Variants in PLCB1 observed in about 807,000 individuals in gnomAD.
PLCB1 encodes the protein 1-phosphatidylinositol 4,5-bisphosphate phosphodiesterase beta-1.
A neutral mutation model predicts 161.8 loss-of-function variants in PLCB1; 46 were observed. The observed-to-expected ratio is 0.28, with a 90% CI of 0.22 to 0.36. PLCB1 has a LOEUF of 0.36. Ranked by LOEUF, PLCB1 falls within the 10% of genes least tolerant of loss-of-function variation. The pLI is 1.00. For missense variants in PLCB1, 1,016 were observed against 1,472.5 expected (o/e 0.69, Z 5.07); for synonymous variants, 517 against 503.7 (o/e 1.03, Z -0.35).
At chr20:8,527,734 C>T (rs531082287) in intron 3 of PLCB1, among the ~76,000 whole-genome samples, 10 of 152,074 alleles carry the variant, frequency 6.6e-5, no homozygotes, top group Admixed American at 5.2e-4. Flanking sequence ...ATTCATCAAG[C>T]TGTAAACTTA....
intron 27 of PLCB1, among the ~76,000 whole-genome samples, chr20:8,779,431 T>C (rs180971972): frequency 2.6e-4 from 38 of 148,672 alleles, no homozygotes; most frequent in Admixed American, 6.9e-4. Flanking sequence ...ACCTAGAGGA[T>C]ATTTTTGATG....
In PLCB1 at chr20:8,548,478, A is replaced by G. The variant is rs569542444; in HGVS notation, c.247-79816A>G. Among the ~76,000 whole-genome samples, 7 of 109,872 alleles carry G rather than the reference A, an allele frequency of 6.4e-5. No homozygotes were observed. The South Asian group carries it at 1.6e-3, about 25-fold the overall frequency. The allele number at this position is 109,872 out of a possible 152,430, so 72.1% of individuals were successfully genotyped here. On this transcript the variant is annotated intron_variant, in intron 3 of 31. Transcript: ENST00000338037. ...AATTTGTTCTTTCTTTCCATCATCT[A>G]TCTTTCTATCCTTCCTTCCTTTCTT...
At chr20:8,229,570 C>T (rs1979895269) in intron 2 of PLCB1, among the ~76,000 whole-genome samples, 1 of 152,138 alleles carries the variant, frequency 6.6e-6, no homozygotes, top group South Asian at 2.1e-4. Context: ...TATTCAGTAG[C>T]CATGTATGGC....
chr20:8,751,943 G>T (rs1981500816), intron 23 of PLCB1: 1 of 152,076 alleles, frequency 6.6e-6, no homozygotes, highest in African/African-American at 2.4e-5. Context: ...AAGGAATTTG[G>T]TTTTTGCACT....
At chr20:8,264,107 C>G (rs1981837589) in intron 2 of PLCB1, among the ~76,000 whole-genome samples, 1 of 152,150 alleles carries the variant, frequency 6.6e-6, no homozygotes, top group African/African-American at 2.4e-5. Flanking sequence ...TATTTCTTTA[C>G]AGACTTATTC....
intron 3 of PLCB1, among the ~76,000 whole-genome samples, chr20:8,384,123 C>A (rs150395388): frequency 6.6e-6 from 1 of 152,210 alleles, no homozygotes; most frequent in East Asian, 1.9e-4. Flanking sequence ...TGTTTTCCAG[C>A]TTCTTTTCAT....
chr20:8,418,882 C>A (rs1979415736), intron 3 of PLCB1, among the ~76,000 whole-genome samples: 1 of 152,136 alleles, frequency 6.6e-6, no homozygotes, highest in African/African-American at 2.4e-5. Flanking sequence ...GCTTCTGATA[C>A]CCCATTTCAT....
At chr20:8,218,557 T>G (rs1163162823) in intron 2 of PLCB1, among the ~76,000 whole-genome samples, 2 of 152,066 alleles carry the variant, frequency 1.3e-5, no homozygotes, top group African/African-American at 4.8e-5. Flanking sequence ...TAATACCTAC[T>G]TCACAGAGCT....
At chr20:8,632,487 A>G (rs1988631081) in intron 4 of PLCB1, among the ~76,000 whole-genome samples, 1 of 152,154 alleles carries the variant, frequency 6.6e-6, no homozygotes, top group East Asian at 1.9e-4. Flanking sequence ...AGTGTGGGAG[A>G]CACAATAAGT....
At chr20:8,305,978 C>T (rs1305312476) in intron 2 of PLCB1, 1 of 152,152 alleles carries the variant, frequency 6.6e-6, no homozygotes, top group Non-Finnish European at 1.5e-5. Context: ...TTGGGAGCAG[C>T]AGCAGATGGT....
At chr20:8,736,421 A>G (rs926050666) in intron 19 of PLCB1, among the ~76,000 whole-genome samples, 2 of 152,228 alleles carry the variant, frequency 1.3e-5, no homozygotes, top group African/African-American at 4.8e-5. Context: ...TAAAGTGAAT[A>G]CTTGTTCATT....
intron 3 of PLCB1, among the ~76,000 whole-genome samples, chr20:8,513,613 CTA>C (rs1437677488): frequency 1.3e-5 from 2 of 152,174 alleles, no homozygotes; most frequent in African/African-American, 4.8e-5. Flanking sequence ...CTGCCAGTTG[CTA>C]TGAGATATCA....
At chr20:8,177,021 G>C (rs966230772) in intron 2 of PLCB1, among the ~76,000 whole-genome samples, 1 of 152,002 alleles carries the variant, frequency 6.6e-6, no homozygotes, top group African/African-American at 2.4e-5. Context: ...AATATCTCAT[G>C]GTATGTCAAT....
chr20:8,752,741 C>T (rs1045166540), intron 23 of PLCB1, among the ~76,000 whole-genome samples: 7 of 145,782 alleles, frequency 4.8e-5, no homozygotes, highest in Non-Finnish European at 7.5e-5. Flanking sequence ...TGCAATGAGC[C>T]AAAATTGCAC....
intron 2 of PLCB1, among the ~76,000 whole-genome samples, chr20:8,354,729 C>G (rs1986305045): frequency 6.6e-6 from 1 of 152,086 alleles, no homozygotes; most frequent in Non-Finnish European, 1.5e-5. Flanking sequence ...AGGCATTGAA[C>G]TCTGTTTATT....
At chr20:8,228,757 A>G (rs1979843212) in intron 2 of PLCB1, among the ~76,000 whole-genome samples, 1 of 151,872 alleles carries the variant, frequency 6.6e-6, no homozygotes, top group African/African-American at 2.4e-5. Context: ...CTTGTTTTTC[A>G]GTTTTTAATT....
At chr20:8,203,665 T>C (rs1374780226) in intron 2 of PLCB1, among the ~76,000 whole-genome samples, 1 of 151,986 alleles carries the variant, frequency 6.6e-6, no homozygotes, top group African/African-American at 2.4e-5. Context: ...TAATGCATGA[T>C]GGGAGGGATC....
intron 3 of PLCB1, among the ~76,000 whole-genome samples, chr20:8,372,840 A>G (rs1439044590): frequency 6.6e-6 from 1 of 152,192 alleles, no homozygotes; most frequent in African/African-American, 2.4e-5. Context: ...TTATTGGCCT[A>G]ACTTGCAATT....
intron 3 of PLCB1, among the ~76,000 whole-genome samples, chr20:8,559,324 A>G (rs34048934): frequency 0.25 from 37,839 of 151,872 alleles, 6,275 homozygotes; most frequent in Non-Finnish European, 0.36. Flanking sequence ...AATATTAACT[A>G]TAAAATATAC....
Sources: gnomAD v4.1 joint callset for allele counts (sites outside exome capture counted in the v4.1 genomes callset) on GRCh38, gnomAD v4.1.1 for gene constraint, MANE v1.5 for transcripts, NCBI Gene and HGNC (gene_info 2026-07-23, HGNC 2026-07-21) for gene names.